ODAD2: variants seen among roughly 807,000 people sequenced by gnomAD.
The protein encoded by ODAD2 is outer dynein arm docking complex subunit 2.
A neutral mutation model predicts 106.8 loss-of-function variants in ODAD2; 89 were observed. The ratio of observed to expected loss-of-function variants is 0.83; its 90% CI spans 0.70 to 0.99. ODAD2 has a LOEUF of 0.99. ODAD2 is among the 50% of genes least tolerant of loss of function. The probability of loss-of-function intolerance (pLI) is 0.00; values close to 1 mark genes in which losing one functional copy is unlikely to be tolerated. For missense variants in ODAD2, 1,168 were observed against 1,238.5 expected, an observed-to-expected ratio of 0.94 and a Z score of 0.85; for synonymous variants, 404 against 436.2, an observed-to-expected ratio of 0.93 and a Z score of 0.92.
At chr10:27,945,215 A>C (rs956887478) in intron 10 of ODAD2, among the ~76,000 whole-genome samples, 1 of 152,236 alleles carries the variant, frequency 6.6e-6, no homozygotes, top group African/African-American at 2.4e-5. Context: ...TCATCTATTA[A>C]AGAGTCATGG....
chr10:27,830,381 A>C (rs1357485903), intron 19 of ODAD2, among the ~76,000 whole-genome samples: 1 of 152,180 alleles, frequency 6.6e-6, no homozygotes, highest in African/African-American at 2.4e-5. Flanking sequence ...TCATTCTCTC[A>C]TTCTGAGAGT....
intron 19 of ODAD2, among the ~76,000 whole-genome samples, chr10:27,854,719 G>C (rs902830625): frequency 6.6e-6 from 1 of 152,094 alleles, no homozygotes; most frequent in Non-Finnish European, 1.5e-5. Flanking sequence ...TCGCGCCACT[G>C]AACTCCACCC....
intron 9 of ODAD2, 137 bp from the exon 10 acceptor site, chr10:27,961,852 G>A: frequency 1.5e-6 from 1 of 667,316 alleles, no homozygotes; most frequent in Non-Finnish European, 2.5e-6. Context: ...ATTACTTAAG[G>A]CCAAGAGTTC....
At chr10:27,998,633 T>A (rs1485466018) in intron 1 of ODAD2, among the ~76,000 whole-genome samples, 2 of 121,182 alleles carry the variant, frequency 1.7e-5, no homozygotes, top group Non-Finnish European at 3.4e-5. Context: ...AGGAGTGAGA[T>A]GGGGCTGGGA....
At chr10:27,946,565 T>C (rs926978548) in intron 10 of ODAD2, among the ~76,000 whole-genome samples, 1 of 152,176 alleles carries the variant, frequency 6.6e-6, no homozygotes, top group African/African-American at 2.4e-5. Context: ...TTGAAATACA[T>C]AATAAATTAT....
rs191964900 is a variant in ODAD2 at position 27,932,083 on chromosome 10, C to T, written c.2495+2927G>A. Among the ~76,000 whole-genome samples, 4 of 152,144 alleles carry T rather than the reference C, an allele frequency of 2.6e-5. No homozygotes were observed. In the East Asian group the frequency reaches 5.8e-4, roughly 22 times the overall value. ...CTGAGTAGCTAGGACTACAGGCGCA[C>T]ACCCTCACATCCTTTAATTCTTTAC... is the stretch of plus-strand genomic sequence containing the variant. On this transcript the variant is annotated intron_variant, in intron 16 of 19. Coordinates refer to ENST00000305242, the MANE Select transcript of ODAD2 (RefSeq NM_018076.5).
intron 16 of ODAD2, among the ~76,000 whole-genome samples, chr10:27,920,254 T>G (rs1844678475): frequency 6.6e-6 from 1 of 152,164 alleles, no homozygotes; most frequent in Non-Finnish European, 1.5e-5. Context: ...TGTGTTAATT[T>G]TCATTATTCA....
At chr10:27,895,671 T>C (rs77505784) in intron 17 of ODAD2, among the ~76,000 whole-genome samples, 7,216 of 152,340 alleles carry the variant, frequency 0.047, 247 homozygotes, top group Middle Eastern at 0.14. Context: ...AATAGCCACA[T>C]GTGGCTAGTA....
chr10:27,989,205 T>C (rs750386349), intron 2 of ODAD2, among the ~76,000 whole-genome samples: 6 of 152,238 alleles, frequency 3.9e-5, no homozygotes, highest in South Asian at 2.1e-4. Context: ...AGCCATTAGG[T>C]TTGGGGCAAT....
chr10:27,918,533 G>A (rs1844552237), intron 16 of ODAD2, among the ~76,000 whole-genome samples: 1 of 151,690 alleles, frequency 6.6e-6, no homozygotes, highest in Non-Finnish European at 1.5e-5. Context: ...AGCAAACTAG[G>A]AATAGAAGGA....
chr10:27,814,645 A>G (rs1454371306), intron 19 of ODAD2, among the ~76,000 whole-genome samples: 2 of 152,168 alleles, frequency 1.3e-5, no homozygotes, highest in East Asian at 3.9e-4. Flanking sequence ...TCTCATCATG[A>G]TCTCTTGTCC....
At chr10:27,955,329 G>A (rs1213345704) in intron 10 of ODAD2, among the ~76,000 whole-genome samples, 2 of 151,968 alleles carry the variant, frequency 1.3e-5, no homozygotes, top group African/African-American at 4.8e-5. Context: ...GTTCCCTGTT[G>A]ACTCTCACTC....
chr10:27,867,186 G>T (rs777976048), intron 17 of ODAD2, among the ~76,000 whole-genome samples: 1 of 152,132 alleles, frequency 6.6e-6, no homozygotes, highest in South Asian at 2.1e-4. Context: ...AGCAACCACA[G>T]TGGGAAGGCA....
chr10:27,976,026 A>G (rs930330558), intron 7 of ODAD2, among the ~76,000 whole-genome samples: 2 of 152,146 alleles, frequency 1.3e-5, no homozygotes, highest in Non-Finnish European at 2.9e-5. Context: ...TAACAAACTA[A>G]AAGAGAGGAA....
At chr10:27,939,567 T>C (rs968302675) in intron 14 of ODAD2, among the ~76,000 whole-genome samples, 1 of 151,368 alleles carries the variant, frequency 6.6e-6, no homozygotes. Context: ...CTACCAAAAA[T>C]ACAAAAACAA....
chr10:27,944,924 T>G lies in ODAD2; in HGVS notation c.1425A>C (p.Ser475=). Residue 475 remains serine, a synonymous_variant, in exon 11 of 20, where the codon TCA becomes TCC. Transcript: ENST00000305242. Reference sequence around the variant, plus strand: ...CTTGAGCTAAGCTGAAATCCCTCATTGAACACAACGCAATCACTGTAGCTG... The same window carrying G: ...CTTGAGCTAAGCTGAAATCCCTCATGGAACACAACGCAATCACTGTAGCTG... ...NQTATVIALC[S]MRDFSLAQET... The G allele has an allele frequency of 6.2e-7, 1 of 1,614,150 alleles. No homozygotes were observed. Among genetic ancestry groups the G allele is most frequent in the Non-Finnish European group, 8.5e-7 (1 of 1,180,000 alleles).
intron 17 of ODAD2, among the ~76,000 whole-genome samples, chr10:27,904,598 C>G (rs1438565936): frequency 1.3e-5 from 2 of 152,212 alleles, no homozygotes; most frequent in African/African-American, 4.8e-5. Flanking sequence ...TACTTTCTAT[C>G]CTATTCCATT....
At chr10:27,825,249 C>A (rs1170034168) in intron 19 of ODAD2, among the ~76,000 whole-genome samples, 5 of 152,306 alleles carry the variant, frequency 3.3e-5, no homozygotes, top group East Asian at 3.9e-4. Context: ...CCACTACTAT[C>A]TCTTGAACTG....
At chr10:27,919,248 A>T (rs1449832597) in intron 16 of ODAD2, among the ~76,000 whole-genome samples, 1 of 152,038 alleles carries the variant, frequency 6.6e-6, no homozygotes, top group African/African-American at 2.4e-5. Context: ...GTATGAAACA[A>T]TTAATTTTGA....
Sources: gnomAD v4.1 joint callset for allele counts (sites outside exome capture counted in the v4.1 genomes callset) on GRCh38, gnomAD v4.1.1 for gene constraint, MANE v1.5 for transcripts, NCBI Gene and HGNC (gene_info 2026-07-23, HGNC 2026-07-21) for gene names.